Variants in GOLGA4 observed in about 807,000 individuals in gnomAD.
GOLGA4 encodes the protein golgin A4, also known as golgin subfamily A member 4.
GOLGA4 carries 169 observed loss-of-function variants against 265.9 expected under a neutral mutation model. The ratio of observed to expected loss-of-function variants is 0.64; its 90% CI spans 0.56 to 0.72. The LOEUF is 0.72. GOLGA4 is among the 30% of genes least tolerant of loss of function. GOLGA4 has a pLI of 0.00. For synonymous variants in GOLGA4, 923 were observed against 855.8 expected, an observed-to-expected ratio of 1.08 and a Z score of -1.37; for missense variants, 2,482 against 2,483.4, an observed-to-expected ratio of 1.00 and a Z score of 0.01.
chr3:37,296,451 T>G (rs1578559522), intron 7 of GOLGA4, among the ~76,000 whole-genome samples: 1 of 152,300 alleles, frequency 6.6e-6, no homozygotes, highest in South Asian at 2.1e-4. Context: ...TTCCAGGATG[T>G]GAGCTGATAG....
chr3:37,366,441 T>G lies in GOLGA4; in HGVS notation c.*395T>G. ...TTTTAGGGTGATTTTTTAAAAAGAC[T>G]TGTGCAATACATTTTGAGGTGAAAC... On this transcript the variant is annotated 3_prime_UTR_variant, in exon 24 of 24. Coordinates refer to ENST00000361924, the MANE Select transcript of GOLGA4 (RefSeq NM_002078.5). The G allele has an allele frequency of 4.2e-6, 1 of 240,238 alleles. No homozygotes were observed. Among genetic ancestry groups the G allele is most frequent in the African/African-American group, 2.2e-5 (1 of 44,902 alleles). The allele number at this position is 240,238 out of a possible 1,614,324, so 14.9% of individuals were successfully genotyped here.
intron 19 of GOLGA4, among the ~76,000 whole-genome samples, chr3:37,338,145 T>C (rs752117823): frequency 6.9e-4 from 105 of 152,224 alleles, no homozygotes; most frequent in South Asian, 1.2e-3. Context: ...AATAGGACCA[T>C]GTGTGTACAC....
chr3:37,266,557 G>A (rs547165838), intron 2 of GOLGA4, among the ~76,000 whole-genome samples: 38 of 152,210 alleles, frequency 2.5e-4, no homozygotes, highest in African/African-American at 6.7e-4. Context: ...CTCTGTGTGC[G>A]GTGGTTCCTA....
chr3:37,356,408 T>A (rs2097091178), intron 22 of GOLGA4, among the ~76,000 whole-genome samples: 1 of 152,180 alleles, frequency 6.6e-6, no homozygotes. Flanking sequence ...TATTGTATTA[T>A]ATACTTATTG....
At chr3:37,259,222 G>A (rs1241919705) in intron 2 of GOLGA4, among the ~76,000 whole-genome samples, 1 of 152,088 alleles carries the variant, frequency 6.6e-6, no homozygotes, top group African/African-American at 2.4e-5. Context: ...CTAGGAGTTT[G>A]TCCATTTCAT....
intron 3 of GOLGA4, among the ~76,000 whole-genome samples, chr3:37,285,698 C>G (rs1388651983): frequency 6.6e-6 from 1 of 152,242 alleles, no homozygotes; most frequent in Non-Finnish European, 1.5e-5. Context: ...CTGATTTAGT[C>G]TGTAACTATA....
chr3:37,311,166 C>T (rs757378055), intron 10 of GOLGA4, among the ~76,000 whole-genome samples: 1 of 152,020 alleles, frequency 6.6e-6, no homozygotes, highest in Admixed American at 6.6e-5. Context: ...TGATGAGACT[C>T]AGTGTTGGAG....
chr3:37,296,902 T>TA (rs1370539466), intron 7 of GOLGA4, among the ~76,000 whole-genome samples: 2 of 152,236 alleles, frequency 1.3e-5, no homozygotes, highest in African/African-American at 4.8e-5. Context: ...AAAAATTTCA[T>TA]AGTCTGTAAC....
chr3:37,268,900 A>G (rs2096790780), intron 2 of GOLGA4, among the ~76,000 whole-genome samples: 1 of 152,198 alleles, frequency 6.6e-6, no homozygotes, highest in Non-Finnish European at 1.5e-5. Flanking sequence ...CCAATGGAAC[A>G]AGGGAAACCA....
At chr3:37,361,102 G>A (rs1457279794) in intron 22 of GOLGA4, 141 bp from the exon 23 acceptor site, 4 of 657,834 alleles carry the variant, frequency 6.1e-6, no homozygotes, top group South Asian at 5.5e-5. Context: ...TTCCTTGCCT[G>A]TACACCCTTG....
At chr3:37,335,223 A>T (rs934388755) in intron 17 of GOLGA4, 57 bp downstream of exon 17, 6 of 909,830 alleles carry the variant, frequency 6.6e-6, no homozygotes, top group African/African-American at 1.6e-5. Flanking sequence ...CATTTCTGTG[A>T]TTTGACTAGC....
intron 11 of GOLGA4, 41 bp from the exon 12 acceptor site, chr3:37,319,022 A>G (rs939476061): frequency 6.3e-6 from 9 of 1,425,334 alleles, no homozygotes; most frequent in African/African-American, 2.9e-5. Context: ...TACATATTTT[A>G]TTCTGGGTGT....
At chr3:37,328,284 T>TCA in intron 14 of GOLGA4, 132 bp from the exon 15 acceptor site, 3 of 368,444 alleles carry the variant, frequency 8.1e-6, no homozygotes, top group Admixed American at 5.1e-5. Flanking sequence ...TCTCACACTC[T>TCA]CTCTCTCTCT....
Position 37,325,558 on chromosome 3 carries a change from C to T in GOLGA4, c.3672C>T (p.Thr1224=), listed in dbSNP as rs149481691. The part of the protein sequence containing the change: ...AIQLDICCKK[T]EALLEAKTNE... ...AGCTAGATATTTGCTGTAAGAAAAC[C>T]GAAGCCTTATTAGAAGCTAAAACAA... The change falls in exon 14 of 24, where the codon ACC becomes ACT. Residue 1224 remains threonine (T), a synonymous_variant. Transcript: ENST00000361924. The T allele has an allele frequency of 1.3e-4, 203 of 1,613,244 alleles. No individual in the cohort carries two copies. In the Middle Eastern group the frequency reaches 1.8e-3, roughly 14 times the overall value.
intron 21 of GOLGA4, among the ~76,000 whole-genome samples, chr3:37,353,482 A>G (rs1239952622): frequency 6.6e-6 from 1 of 152,026 alleles, no homozygotes; most frequent in Non-Finnish European, 1.5e-5. Context: ...AGTTTAAATG[A>G]TGAGGGTTTT....
At chr3:37,276,235 G>A in intron 2 of GOLGA4, 4 of 1,555,414 alleles carry the variant, frequency 2.6e-6, no homozygotes, top group Non-Finnish European at 3.5e-6. Flanking sequence ...AAGAAATAAG[G>A]AATACAGACA....
intron 2 of GOLGA4, among the ~76,000 whole-genome samples, chr3:37,274,006 G>A (rs1046698675): frequency 4.0e-5 from 6 of 151,504 alleles, no homozygotes; most frequent in Admixed American, 1.3e-4. Flanking sequence ...TGGCTGAAGC[G>A]TGAGAATCGC....
At position 37,327,223 on chromosome 3, in the gene GOLGA4, G is replaced by A; in HGVS notation, c.5337G>A (p.Lys1779=). Residue 1779 remains lysine, a synonymous_variant, in exon 14 of 24, where the codon AAG becomes AAA. Transcript: ENST00000361924. ...GCCAATACCAGGAGCGCTTAATAAA[G>A]CTAGAACATGCTGAGGCAAAGCAAC... ...MRCQYQERLI[K]LEHAEAKQHE... is the part of the protein sequence containing the mutation. The A allele has an allele frequency of 6.2e-7, 1 of 1,613,928 alleles. No homozygotes were observed.
chr3:37,258,523 T>G (rs2096760721), intron 2 of GOLGA4, among the ~76,000 whole-genome samples: 1 of 151,788 alleles, frequency 6.6e-6, no homozygotes, highest in South Asian at 2.1e-4. Flanking sequence ...AGATGAGGTT[T>G]CACCATGTTG....
Sources: gnomAD v4.1 joint callset for allele counts (sites outside exome capture counted in the v4.1 genomes callset) on GRCh38, gnomAD v4.1.1 for gene constraint, MANE v1.5 for transcripts, NCBI Gene and HGNC (gene_info 2026-07-23, HGNC 2026-07-21) for gene names.